Variants in GABRG1 observed in about 807,000 individuals in gnomAD.
GABRG1 encodes the protein gamma-aminobutyric acid receptor subunit gamma-1.
A neutral mutation model predicts 49.8 loss-of-function variants in GABRG1; 49 were observed. The observed-to-expected ratio is 0.98, with a 90% CI of 0.78 to 1.25. GABRG1 has a LOEUF of 1.25. Among genes scored for constraint, GABRG1 ranks in the 50% most tolerant of loss-of-function variants. GABRG1 has a pLI of 0.00. For missense variants in GABRG1, 552 were observed against 552.3 expected, an observed-to-expected ratio of 1.00 and a Z score of 0.01; for synonymous variants, 232 against 185.1, an observed-to-expected ratio of 1.25 and a Z score of -2.06.
chr4:46,088,212 T>C (rs78802564), intron 2 of GABRG1, among the ~76,000 whole-genome samples: 2,719 of 152,084 alleles, frequency 0.018, 92 homozygotes, highest in African/African-American at 0.061. Flanking sequence ...TTGGGATTGT[T>C]AGTAGTAGTG....
chr4:46,097,161 T>G, intron 2 of GABRG1, 40 bp downstream of exon 2: 1 of 1,556,310 alleles, frequency 6.4e-7, no homozygotes, highest in Non-Finnish European at 8.7e-7. Context: ...ATGATATGTT[T>G]AATGGTCATC....
At chr4:46,123,789 T>C (rs375988178) in intron 1 of GABRG1, 21 bp downstream of exon 1, 1 of 1,566,326 alleles carries the variant, frequency 6.4e-7, no homozygotes, top group Non-Finnish European at 8.8e-7. Flanking sequence ...AGAATAGTTT[T>C]AAACCCCTGA....
rs527909504 is a variant in GABRG1, at chr4:46,083,692, AT to A, written c.321+293del. The stretch of plus-strand genomic sequence containing the variant: ...GACTACTTTCCCCTCAGACTTCCTG[AT>A]TTTTTTTCTTTCCAGATTTCTTCAG... On this transcript the variant is annotated intron_variant, in intron 3 of 8. Coordinates refer to ENST00000295452, the MANE Select transcript of GABRG1 (RefSeq NM_173536.4). Among the ~76,000 whole-genome samples the A allele has an allele frequency of 1.2e-3, 182 of 146,386 alleles. 1 individual carries two copies. Among genetic ancestry groups the A allele is most frequent in the African/African-American group, 4.4e-3 (174 of 39,856 alleles).
Position 46,039,583 on chromosome 4 carries a change from A to G in GABRG1, c.*1405T>C, listed in dbSNP as rs900823705. On this transcript the variant is annotated 3_prime_UTR_variant, in exon 9 of 9. Transcript: ENST00000295452. ...GTCTTGGCAACAGAAACAATCTTTA[A>G]AGGTTATTTCCAAGCTAAACCTGGT... The G allele has an allele frequency of 6.6e-6, 1 of 151,722 alleles. No homozygotes were observed. The highest frequency in any genetic ancestry group is 2.4e-5 in the African/African-American group (1 of 41,398). 9.4% of individuals were successfully genotyped at this position (151,722 alleles called of 1,614,324 possible).
intron 1 of GABRG1, among the ~76,000 whole-genome samples, chr4:46,108,069 G>GA (rs767209731): frequency 1.9e-4 from 29 of 151,070 alleles, no homozygotes; most frequent in Non-Finnish European, 4.0e-4. Flanking sequence ...TAGAAATACA[G>GA]AAAAATTATT....
chr4:46,047,744 A>T (rs1367010555), intron 8 of GABRG1, among the ~76,000 whole-genome samples: 1 of 152,036 alleles, frequency 6.6e-6, no homozygotes, highest in Non-Finnish European at 1.5e-5. Flanking sequence ...ATGAGAAATT[A>T]TTCATCTAAT....
chr4:46,113,135 C>A (rs960990167), intron 1 of GABRG1, among the ~76,000 whole-genome samples: 2 of 151,068 alleles, frequency 1.3e-5, no homozygotes, highest in African/African-American at 4.8e-5. Flanking sequence ...TCCACACCTC[C>A]TTGCCCGGCT....
intron 1 of GABRG1, among the ~76,000 whole-genome samples, chr4:46,108,963 G>A (rs1451996179): frequency 6.0e-5 from 9 of 151,002 alleles, no homozygotes; most frequent in African/African-American, 2.2e-4. Context: ...CCATAGTGAT[G>A]TTTTTAATAT....
chr4:46,072,360 T>C (rs986775222), intron 3 of GABRG1, among the ~76,000 whole-genome samples: 2 of 152,086 alleles, frequency 1.3e-5, no homozygotes, highest in African/African-American at 4.8e-5. Flanking sequence ...TTGGGCACCA[T>C]AGCCTGGCTA....
chr4:46,083,965 T>C, intron 3 of GABRG1, 21 bp downstream of exon 3: 2 of 1,329,712 alleles, frequency 1.5e-6, no homozygotes, highest in Non-Finnish European at 2.1e-6. Context: ...GCAGTTATTA[T>C]TTTTAATATT....
intron 1 of GABRG1, among the ~76,000 whole-genome samples, chr4:46,108,927 A>G (rs1270485452): frequency 2.0e-5 from 3 of 151,070 alleles, no homozygotes; most frequent in African/African-American, 7.3e-5. Context: ...TTGCATTGAT[A>G]ACATAGTCTA....
At chr4:46,107,654 C>T (rs1156392396) in intron 1 of GABRG1, among the ~76,000 whole-genome samples, 1 of 150,854 alleles carries the variant, frequency 6.6e-6, no homozygotes, top group Non-Finnish European at 1.5e-5. Context: ...AATGATGATT[C>T]TCTTGACATT....
intron 3 of GABRG1, among the ~76,000 whole-genome samples, chr4:46,071,878 G>A (rs1439134816): frequency 6.6e-6 from 1 of 151,986 alleles, no homozygotes; most frequent in Non-Finnish European, 1.5e-5. Context: ...ATAATAATTT[G>A]TTATTGAAGA....
intron 3 of GABRG1, among the ~76,000 whole-genome samples, chr4:46,069,306 C>T (rs931562528): frequency 2.6e-5 from 4 of 151,958 alleles, no homozygotes; most frequent in East Asian, 1.9e-4. Context: ...CAGAAGAGAA[C>T]GGTGGACCTA....
intron 3 of GABRG1, among the ~76,000 whole-genome samples, chr4:46,066,778 T>C (rs1314591700): frequency 1.3e-5 from 2 of 151,572 alleles, no homozygotes; most frequent in Non-Finnish European, 1.5e-5. Flanking sequence ...TTAACATATA[T>C]AAAATGAACA....
At chr4:46,067,979 C>A (rs542258436) in intron 3 of GABRG1, among the ~76,000 whole-genome samples, 132 of 152,196 alleles carry the variant, frequency 8.7e-4, no homozygotes, top group African/African-American at 3.1e-3. Flanking sequence ...CCCCACTCTG[C>A]CTGCCTGTGT....
At position 46,039,709 on chromosome 4, in the gene GABRG1, G is replaced by T. The variant is rs1437154326; in HGVS notation, c.*1279C>A. The T allele has an allele frequency of 1.3e-5, 2 of 151,658 alleles. No individual in the cohort carries two copies. The highest frequency in any genetic ancestry group is 3.0e-5 in the Non-Finnish European group (2 of 67,746). The allele number at this position is 151,658 out of a possible 1,614,324, so 9.4% of individuals were successfully genotyped here. ...AAGCCTAAATTTATTCTTAACAAAA[G>T]AGACATTTTTAAAACTATTAACTGA... On this transcript the variant is annotated 3_prime_UTR_variant, in exon 9 of 9. Transcript: ENST00000295452.
chr4:46,093,503 T>C (rs1438093068), intron 2 of GABRG1, among the ~76,000 whole-genome samples: 2 of 152,022 alleles, frequency 1.3e-5, no homozygotes, highest in African/African-American at 4.8e-5. Flanking sequence ...TATAGTCAGA[T>C]ACAATAAATA....
chr4:46,087,098 T>C (rs1341457310), intron 2 of GABRG1, among the ~76,000 whole-genome samples: 2 of 151,648 alleles, frequency 1.3e-5, no homozygotes, highest in Non-Finnish European at 3.0e-5. Context: ...TCTTGTAATA[T>C]CCCTGGCTGG....
Sources: gnomAD v4.1 joint callset for allele counts (sites outside exome capture counted in the v4.1 genomes callset) on GRCh38, gnomAD v4.1.1 for gene constraint, MANE v1.5 for transcripts, NCBI Gene and HGNC (gene_info 2026-07-23, HGNC 2026-07-21) for gene names.